Variants in NELL2 observed in about 807,000 individuals in gnomAD.
NELL2 encodes protein kinase C-binding protein NELL2.
Under a neutral mutation model 109.6 loss-of-function variants are expected in NELL2, and 41 were observed. The observed-to-expected ratio is 0.37, with a 90% CI of 0.29 to 0.49. The LOEUF is 0.49. NELL2 is among the 20% of genes least tolerant of loss of function. The pLI is 0.98. For synonymous variants in NELL2, 355 were observed against 344.7 expected (o/e 1.03, Z -0.33); for missense variants, 900 against 1,008.3 (o/e 0.89, Z 1.45).
intron 2 of NELL2, among the ~76,000 whole-genome samples, chr12:44,874,002 A>G (rs1402084518): frequency 6.6e-6 from 1 of 152,196 alleles, no homozygotes; most frequent in Non-Finnish European, 1.5e-5. Flanking sequence ...TTAATTTTTT[A>G]TAAGAGCAAA....
chr12:44,644,029 A>G (rs1946959280), intron 13 of NELL2, among the ~76,000 whole-genome samples: 1 of 152,188 alleles, frequency 6.6e-6, no homozygotes, highest in African/African-American at 2.4e-5. Flanking sequence ...AATAATACTC[A>G]AAGAACATTT....
chr12:44,568,166 G>T (rs1943729975), intron 15 of NELL2, among the ~76,000 whole-genome samples: 1 of 152,072 alleles, frequency 6.6e-6, no homozygotes, highest in Non-Finnish European at 1.5e-5. Flanking sequence ...GATTGTAAAA[G>T]AAATGACACT....
At position 44,625,091 on chromosome 12, in the gene NELL2, T is replaced by C. The variant is rs570626266; in HGVS notation, c.1445-14121A>G. Among the ~76,000 whole-genome samples, 13 of 149,540 alleles carry C rather than the reference T, an allele frequency of 8.7e-5. No individual in the cohort carries two copies. The East Asian group carries it at 2.0e-3, about 23-fold the overall frequency. ...TACTGATGTTAATTATAGATTTATTTTGGGGATAGGAAAGTCCTCTTTTTT... is the reference window on the plus strand; with the variant it reads ...TACTGATGTTAATTATAGATTTATTCTGGGGATAGGAAAGTCCTCTTTTTT... On this transcript the variant is annotated intron_variant, in intron 13 of 19. Coordinates refer to ENST00000429094, the MANE Select transcript of NELL2 (RefSeq NM_001145108.2).
chr12:44,798,683 AG>A (rs1362344632), intron 3 of NELL2, among the ~76,000 whole-genome samples: 1 of 152,164 alleles, frequency 6.6e-6, no homozygotes, highest in Non-Finnish European at 1.5e-5. Context: ...TCTTGAAAAA[AG>A]CAAAATTTGG....
At chr12:44,556,310 A>C (rs1479936902) in intron 15 of NELL2, among the ~76,000 whole-genome samples, 2 of 152,164 alleles carry the variant, frequency 1.3e-5, no homozygotes, top group African/African-American at 4.8e-5. Context: ...GCTTACCCAG[A>C]GGGGCTGATT....
At chr12:44,691,481 A>G (rs1364812938) in intron 12 of NELL2, among the ~76,000 whole-genome samples, 2 of 152,096 alleles carry the variant, frequency 1.3e-5, no homozygotes, top group African/African-American at 4.8e-5. Flanking sequence ...ATTCCCTGGG[A>G]TACAACGATA....
intron 12 of NELL2, among the ~76,000 whole-genome samples, chr12:44,672,234 T>C (rs1323364206): frequency 2.0e-5 from 3 of 152,162 alleles, no homozygotes; most frequent in African/African-American, 7.2e-5. Context: ...GTCCCTGATT[T>C]GCTAGGAAGT....
At chr12:44,592,932 A>G (rs769873890) in intron 15 of NELL2, among the ~76,000 whole-genome samples, 1 of 152,156 alleles carries the variant, frequency 6.6e-6, no homozygotes. Flanking sequence ...TCTTTTTGAC[A>G]TTTGTTTTGT....
At chr12:44,801,899 T>C (rs911088020) in intron 3 of NELL2, among the ~76,000 whole-genome samples, 1 of 150,708 alleles carries the variant, frequency 6.6e-6, no homozygotes, top group Non-Finnish European at 1.5e-5. Flanking sequence ...GCACAGAGGA[T>C]ACAGAAAAAA....
intron 9 of NELL2, among the ~76,000 whole-genome samples, chr12:44,747,259 T>C (rs572078370): frequency 2.6e-4 from 38 of 148,712 alleles, no homozygotes; most frequent in African/African-American, 9.5e-4. Flanking sequence ...TGAGAACACA[T>C]GGACACAGGA....
Position 44,540,781 on chromosome 12 carries a change from C to CAAAAAAAAAA in NELL2, c.1664-8070_1664-8061dup, listed in dbSNP as rs57205620. On this transcript the variant is annotated intron_variant, in intron 15 of 19. Coordinates refer to ENST00000429094, the MANE Select transcript of NELL2 (RefSeq NM_001145108.2). ...AGCTTACTAATGTAAGTCTGCAAGC[C>CAAAAAAAAAA]AAAAAAAAAAAAAAAAAGCCCATCC... Among the ~76,000 whole-genome samples the CAAAAAAAAAA allele has an allele frequency of 2.4e-3, 118 of 49,740 alleles. 31 individuals are homozygous for CAAAAAAAAAA. Among genetic ancestry groups the CAAAAAAAAAA allele is most frequent in the Admixed American group, 3.9e-3 (12 of 3,086 alleles). 32.6% of individuals were successfully genotyped at this position (49,740 alleles called of 152,430 possible). A position where few individuals can be genotyped will look rare whatever the true frequency, so the allele number is the denominator to read the frequency against.
At chr12:44,862,200 C>A (rs73088986) in intron 2 of NELL2, among the ~76,000 whole-genome samples, 207 of 152,296 alleles carry the variant, frequency 1.4e-3, no homozygotes, top group Middle Eastern at 3.4e-3. Context: ...TCACCAGCAG[C>A]GCTTGCAGCT....
At chr12:44,680,538 T>A (rs951194999) in intron 12 of NELL2, among the ~76,000 whole-genome samples, 2 of 152,200 alleles carry the variant, frequency 1.3e-5, no homozygotes, top group Non-Finnish European at 2.9e-5. Flanking sequence ...AAATGTATTA[T>A]TAAAATCCCA....
At chr12:44,815,367 C>G (rs888513495) in intron 3 of NELL2, among the ~76,000 whole-genome samples, 2 of 152,148 alleles carry the variant, frequency 1.3e-5, no homozygotes, top group Non-Finnish European at 2.9e-5. Context: ...AAACTCTAAA[C>G]CCAGACAATT....
intron 9 of NELL2, among the ~76,000 whole-genome samples, chr12:44,737,364 T>C (rs1014230994): frequency 2.6e-5 from 4 of 151,534 alleles, no homozygotes; most frequent in African/African-American, 9.7e-5. Flanking sequence ...ATAACTTTTT[T>C]ATAATAAACA....
At chr12:44,700,187 C>A (rs1310282884) in intron 12 of NELL2, among the ~76,000 whole-genome samples, 2 of 152,118 alleles carry the variant, frequency 1.3e-5, no homozygotes, top group Admixed American at 6.5e-5. Context: ...ACCAATTAAT[C>A]AAGACTGGCT....
intron 9 of NELL2, among the ~76,000 whole-genome samples, chr12:44,744,616 G>C (rs968782719): frequency 6.6e-6 from 1 of 152,096 alleles, no homozygotes; most frequent in Non-Finnish European, 1.5e-5. Flanking sequence ...TGATAAAGGG[G>C]ATATCACCAC....
At chr12:44,604,348 C>G (rs180742872) in intron 15 of NELL2, among the ~76,000 whole-genome samples, 64 of 152,214 alleles carry the variant, frequency 4.2e-4, no homozygotes, top group African/African-American at 1.4e-3. Flanking sequence ...GAATGTAGAT[C>G]TGGATCAACA....
Position 44,508,888 on chromosome 12 carries a change from T to C in NELL2, c.*46A>G. On this transcript the variant is annotated 3_prime_UTR_variant, in exon 20 of 20. Coordinates refer to ENST00000429094, the MANE Select transcript of NELL2 (RefSeq NM_001145108.2). The stretch of plus-strand genomic sequence containing the variant: ...TTTTAACTTCTTTTTGGTCTTTTAA[T>C]GAAAGAACATTCTTTTAACAGAAAT... The C allele has an allele frequency of 6.5e-7, 1 of 1,545,350 alleles. No homozygotes were observed. The highest frequency in any genetic ancestry group is 1.7e-4 in the Middle Eastern group (1 of 5,856).
Sources: allele counts gnomAD v4.1 joint callset (sites outside exome capture counted in the v4.1 genomes callset), GRCh38; gene constraint gnomAD v4.1.1; transcripts MANE v1.5; gene names NCBI Gene and HGNC (gene_info 2026-07-23, HGNC 2026-07-21).